TEK: variants seen among roughly 807,000 people sequenced by gnomAD.
TEK encodes TEK receptor tyrosine kinase.
A neutral mutation model predicts 131.8 loss-of-function variants in TEK; 43 were observed. That is an observed-to-expected ratio of 0.33 (90% confidence interval 0.26 to 0.42). The LOEUF is 0.42. Among genes scored for constraint, TEK ranks in the 10% least tolerant of loss-of-function variants. The probability of loss-of-function intolerance (pLI) is 1.00; values close to 1 mark genes in which losing one functional copy is unlikely to be tolerated. For missense variants in TEK, 1,162 were observed against 1,384.4 expected (o/e 0.84, Z 2.55); for synonymous variants, 580 against 491.6 (o/e 1.18, Z -2.38).
Position 27,173,213 on chromosome 9 carries a change from C to G in TEK, c.761-9C>G, listed in dbSNP as rs184614912. 18 of 1,613,810 alleles carry G rather than the reference C, an allele frequency of 1.1e-5. No individual in the cohort carries two copies. The highest frequency in any genetic ancestry group is 5.3e-5 in the African/African-American group (4 of 74,886). Reference sequence around the variant, plus strand: ...TGACTCTGAATCATCTTTTCTTTTCCTCCCAAAGCTTGTGAACTGCACACG... The same window carrying G: ...TGACTCTGAATCATCTTTTCTTTTCGTCCCAAAGCTTGTGAACTGCACACG... On this transcript the variant is annotated splice_polypyrimidine_tract_variant and intron_variant, in intron 5 of 22. Coordinates refer to ENST00000380036, the MANE Select transcript of TEK (RefSeq NM_000459.5).
intron 4 of TEK, among the ~76,000 whole-genome samples, chr9:27,172,034 G>A (rs1412824841): frequency 1.3e-5 from 2 of 152,258 alleles, no homozygotes; most frequent in South Asian, 2.1e-4. Flanking sequence ...AAACCAAAGT[G>A]TTTTTCCTAA....
At chr9:27,126,661 C>T (rs943201756) in intron 1 of TEK, among the ~76,000 whole-genome samples, 1 of 152,134 alleles carries the variant, frequency 6.6e-6, no homozygotes, top group Non-Finnish European at 1.5e-5. Flanking sequence ...AGAAACTGCT[C>T]CAGTCTAGGG....
intron 1 of TEK, among the ~76,000 whole-genome samples, chr9:27,114,657 A>G (rs1229265059): frequency 1.3e-5 from 2 of 152,200 alleles, no homozygotes; most frequent in African/African-American, 4.8e-5. Flanking sequence ...CTGATAATCA[A>G]TTTTATATAT....
intron 1 of TEK, among the ~76,000 whole-genome samples, chr9:27,123,868 T>A (rs1322772043): frequency 6.6e-6 from 1 of 152,166 alleles, no homozygotes; most frequent in Admixed American, 6.5e-5. Context: ...CCTCCGCCTC[T>A]CAGGTTCAAG....
At chr9:27,205,793 A>C (rs957777909) in intron 14 of TEK, among the ~76,000 whole-genome samples, 2 of 152,140 alleles carry the variant, frequency 1.3e-5, no homozygotes, top group Admixed American at 1.3e-4. Context: ...AGACTTTATC[A>C]ATTCTGTATA....
intron 1 of TEK, among the ~76,000 whole-genome samples, chr9:27,125,130 T>G (rs1821941269): frequency 1.3e-5 from 2 of 152,300 alleles, no homozygotes; most frequent in Middle Eastern, 3.4e-3. Flanking sequence ...GAGTCAGCAG[T>G]GCTTTTCACA....
chr9:27,110,487 C>T (rs1821296171), intron 1 of TEK, among the ~76,000 whole-genome samples: 2 of 152,128 alleles, frequency 1.3e-5, no homozygotes, highest in Admixed American at 1.3e-4. Context: ...CTACATATCA[C>T]AAATACATTT....
chr9:27,154,600 G>A (rs961300856), intron 1 of TEK, among the ~76,000 whole-genome samples: 4 of 152,192 alleles, frequency 2.6e-5, no homozygotes, highest in Admixed American at 6.5e-5. Flanking sequence ...TCTTTAGGCA[G>A]ATACTAGCAA....
intron 1 of TEK, among the ~76,000 whole-genome samples, chr9:27,140,781 CT>C (rs1469503057): frequency 6.6e-6 from 1 of 151,766 alleles, no homozygotes; most frequent in Non-Finnish European, 1.5e-5. Flanking sequence ...ACAGTTTATC[CT>C]TTATATATTT....
At chr9:27,119,895 G>GTGTT (rs1821715663) in intron 1 of TEK, among the ~76,000 whole-genome samples, 1 of 151,756 alleles carries the variant, frequency 6.6e-6, no homozygotes, top group South Asian at 2.1e-4. Context: ...ACATGCGTGT[G>GTGTT]TGTGTGTGCA....
At chr9:27,137,180 A>G (rs1296847887) in intron 1 of TEK, among the ~76,000 whole-genome samples, 1 of 152,068 alleles carries the variant, frequency 6.6e-6, no homozygotes, top group Non-Finnish European at 1.5e-5. Context: ...GGCCTCCCAA[A>G]GTGCTGGGAT....
Position 27,157,938 on chromosome 9 carries a change from C to G in TEK, c.160C>G (p.Pro54Ala), listed in dbSNP as rs766158671. The G allele has an allele frequency of 6.2e-7, 1 of 1,614,002 alleles. No homozygotes were observed. The change falls in exon 2 of 23, where the codon CCC (proline) becomes GCC (alanine). Residue 54 changes from proline (P) to alanine (A), a missense_variant. Physicochemically the swap from Pro to Ala is conservative, Grantham distance 27 (BLOSUM62 -1). Transcript: ENST00000380036. ...CIASGWRPHE[P>A]ITIGRDFEAL... ...TGCCTCTGGGTGGCGCCCCCATGAGCCCATCACCATAGGAAGGGACTTTGA... is the reference window on the plus strand; with the variant it reads ...TGCCTCTGGGTGGCGCCCCCATGAGGCCATCACCATAGGAAGGGACTTTGA...
At chr9:27,224,408 A>G (rs1466720616) in intron 21 of TEK, among the ~76,000 whole-genome samples, 2 of 150,968 alleles carry the variant, frequency 1.3e-5, no homozygotes, top group East Asian at 3.9e-4. Context: ...AAGCTTATCC[A>G]CCATGATCAA....
rs76822158 is a variant in TEK at position 27,206,868 on chromosome 9, C to T, written c.2575+76C>T. On this transcript the variant is annotated intron_variant, in intron 15 of 22. Transcript: ENST00000380036. ...CTTGATTTCCTGCTCATTCTTTCCT[C>T]TATGGTCTTACAAAAAATTGGCATG... 1.1e-3 allele frequency: 1,740 copies of T among 1,518,406 alleles called. 18 individuals are homozygous for T. In the African/African-American group the frequency reaches 0.02, roughly 17 times the overall value. The allele number at this position is 1,518,406 out of a possible 1,614,324, so 94.1% of individuals were successfully genotyped here.
At chr9:27,123,832 A>C (rs982671056) in intron 1 of TEK, among the ~76,000 whole-genome samples, 3 of 152,224 alleles carry the variant, frequency 2.0e-5, no homozygotes, top group African/African-American at 7.2e-5. Flanking sequence ...GCAAAAGTGC[A>C]ATGGCATGAT....
At position 27,194,055 on chromosome 9, in the gene TEK, C is replaced by G. The variant is rs537983620; in HGVS notation, c.1624+1432C>G. Among the ~76,000 whole-genome samples, 25 of 152,262 alleles carry G rather than the reference C, an allele frequency of 1.6e-4. No individual in the cohort carries two copies. In the South Asian group the frequency reaches 5.2e-3, roughly 32 times the overall value. ...ACTCCTGCCTCAAGCAGTCCCCCAGCCTTGGCCTCTCAAAGTGTTAGGATT... is the reference window on the plus strand; with the variant it reads ...ACTCCTGCCTCAAGCAGTCCCCCAGGCTTGGCCTCTCAAAGTGTTAGGATT... On this transcript the variant is annotated intron_variant, in intron 11 of 22. Coordinates refer to ENST00000380036, the MANE Select transcript of TEK (RefSeq NM_000459.5).
intron 21 of TEK, among the ~76,000 whole-genome samples, chr9:27,222,963 G>C (rs777852038): frequency 6.6e-6 from 1 of 152,010 alleles, no homozygotes; most frequent in African/African-American, 2.4e-5. Context: ...AAAAAAGCAG[G>C]GGTTGCAATC....
At chr9:27,110,251 A>T (rs1821285500) in intron 1 of TEK, among the ~76,000 whole-genome samples, 1 of 150,442 alleles carries the variant, frequency 6.6e-6, no homozygotes, top group African/African-American at 2.5e-5. Context: ...AATGTTTGCC[A>T]TGTAGTAATT....
chr9:27,123,969 G>A (rs1199556491), intron 1 of TEK, among the ~76,000 whole-genome samples: 2 of 152,172 alleles, frequency 1.3e-5, no homozygotes, highest in Non-Finnish European at 2.9e-5. Context: ...TAGAGATGGG[G>A]TTTCGCCAAG....
Sources: gnomAD v4.1 joint callset for allele counts (sites outside exome capture counted in the v4.1 genomes callset) on GRCh38, gnomAD v4.1.1 for gene constraint, MANE v1.5 for transcripts, NCBI Gene and HGNC (gene_info 2026-07-23, HGNC 2026-07-21) for gene names.